The following HEXB variants were observed in gnomAD, a reference collection of about 807,000 sequenced individuals.
The protein encoded by HEXB is hexosaminidase subunit beta.
In HEXB, 51 loss-of-function variants were observed where a neutral mutation model predicts 71.2. The ratio of observed to expected loss-of-function variants is 0.72; its 90% CI spans 0.57 to 0.90. The LOEUF is 0.90. HEXB is among the 40% of genes least tolerant of loss of function. HEXB has a pLI of 0.00. For missense variants in HEXB, 617 were observed against 677.0 expected, an observed-to-expected ratio of 0.91 and a Z score of 0.98; for synonymous variants, 266 against 249.3, an observed-to-expected ratio of 1.07 and a Z score of -0.63.
At chr5:74,675,769 T>C (rs552957818) in intron 1 of HEXB, among the ~76,000 whole-genome samples, 3 of 152,358 alleles carry the variant, frequency 2.0e-5, no homozygotes, top group African/African-American at 7.2e-5. Context: ...AAGATGACTT[T>C]GTTAGCTGTG....
intron 6 of HEXB, among the ~76,000 whole-genome samples, chr5:74,707,604 G>A (rs1262591525): frequency 6.6e-6 from 1 of 152,226 alleles, no homozygotes; most frequent in African/African-American, 2.4e-5. Context: ...AGGAGCTGAT[G>A]GAGCTGAAAG....
At chr5:74,697,259 C>T (rs371546460) in intron 5 of HEXB, among the ~76,000 whole-genome samples, 153 bp downstream of exon 5, 1 of 152,136 alleles carries the variant, frequency 6.6e-6, no homozygotes, top group African/African-American at 2.4e-5. Context: ...AGTGTATTTC[C>T]TCAGCTGTGA....
Position 74,672,994 on chromosome 5 carries a change from G to A in HEXB, c.-376-16334G>A, listed in dbSNP as rs1748566612. Among the ~76,000 whole-genome samples the A allele has an allele frequency of 2.0e-5, 3 of 146,934 alleles. No individual in the cohort carries two copies. In the Admixed American group the frequency reaches 2.1e-4, roughly 10 times the overall value. ...TTGGTCACCAAAATGTTTCCAGATG[G>A]ATTCAGATTTTTTTTTCTTAGCATC... On this transcript the variant is annotated intron_variant, in intron 1 of 13. Transcript: ENST00000511181.
intron 6 of HEXB, among the ~76,000 whole-genome samples, chr5:74,710,136 C>T (rs151287306): frequency 0.029 from 4,472 of 152,182 alleles, 85 homozygotes; most frequent in South Asian, 0.066. Flanking sequence ...GTTCAATATA[C>T]GTAAATCAAT....
At chr5:74,719,036 A>G in intron 11 of HEXB, 65 bp downstream of exon 11, 1 of 1,497,090 alleles carries the variant, frequency 6.7e-7, no homozygotes, top group Non-Finnish European at 9.3e-7. Context: ...TGAAGCAACC[A>G]TTGTTACCTT....
At chr5:74,656,415 G>T (rs748512193) in intron 1 of HEXB, among the ~76,000 whole-genome samples, 18 of 151,866 alleles carry the variant, frequency 1.2e-4, no homozygotes, top group Admixed American at 2.0e-4. Flanking sequence ...GGAGGCACAG[G>T]TTGCAATGAG....
upstream of HEXB, among the ~76,000 whole-genome samples, chr5:74,682,859 A>G (rs1416397119): frequency 2.0e-5 from 3 of 152,094 alleles, no homozygotes; most frequent in African/African-American, 7.2e-5. Context: ...CATGGCTGAC[A>G]CTCTTATAAC....
At chr5:74,703,160 C>G (rs1329847076) in intron 5 of HEXB, among the ~76,000 whole-genome samples, 2 of 152,208 alleles carry the variant, frequency 1.3e-5, no homozygotes, top group Admixed American at 1.3e-4. Flanking sequence ...GCCATGTTGG[C>G]CAGGCTGGTC....
At chr5:74,706,857 C>G (rs1161210103) in intron 6 of HEXB, among the ~76,000 whole-genome samples, 11 of 152,318 alleles carry the variant, frequency 7.2e-5, no homozygotes, top group Non-Finnish European at 1.5e-5. Context: ...TAGGCTCCAC[C>G]TCTGGGGGCA....
intron 1 of HEXB, among the ~76,000 whole-genome samples, chr5:74,685,875 GA>G (rs1441910233): frequency 1.3e-5 from 2 of 152,252 alleles, no homozygotes; most frequent in East Asian, 3.9e-4. Flanking sequence ...GGAGGAAAGT[GA>G]CAGCTCCTTA....
intron 1 of HEXB, among the ~76,000 whole-genome samples, chr5:74,689,044 G>A (rs1748934985): frequency 7.0e-6 from 1 of 142,034 alleles, no homozygotes; most frequent in Admixed American, 7.0e-5. Context: ...TTCATTATTG[G>A]TTCTTAACGG....
intron 1 of HEXB, among the ~76,000 whole-genome samples, chr5:74,657,823 C>T (rs992127997): frequency 6.6e-6 from 1 of 152,156 alleles, no homozygotes; most frequent in Non-Finnish European, 1.5e-5. Flanking sequence ...TGTCATGTGG[C>T]GTCTTCTGAT....
chr5:74,686,309 C>A (rs1748874130), intron 1 of HEXB, among the ~76,000 whole-genome samples: 1 of 152,110 alleles, frequency 6.6e-6, no homozygotes, highest in African/African-American at 2.4e-5. Flanking sequence ...AAGGCAGGTT[C>A]CCCTGGGGAG....
At chr5:74,653,232 T>C (rs574835325) in intron 1 of HEXB, among the ~76,000 whole-genome samples, 1 of 152,326 alleles carries the variant, frequency 6.6e-6, no homozygotes, top group African/African-American at 2.4e-5. Context: ...ACGTCAATAA[T>C]TTTTTAAAGT....
intron 1 of HEXB, among the ~76,000 whole-genome samples, chr5:74,643,546 A>G (rs1403776561): frequency 2.6e-5 from 4 of 152,198 alleles, no homozygotes; most frequent in Non-Finnish European, 5.9e-5. Context: ...GTCTTGTGAC[A>G]TCAAACCAAA....
intron 1 of HEXB, among the ~76,000 whole-genome samples, chr5:74,675,081 G>T (rs993403595): frequency 6.6e-6 from 1 of 152,198 alleles, no homozygotes; most frequent in Admixed American, 6.6e-5. Context: ...ATGGGAGTCA[G>T]ATCAGGCTGA....
intron 1 of HEXB, among the ~76,000 whole-genome samples, chr5:74,656,860 C>T (rs557044332): frequency 2.0e-5 from 3 of 152,302 alleles, no homozygotes; most frequent in African/African-American, 7.2e-5. Context: ...GATCCACCCG[C>T]CTCAGCCTTC....
chr5:74,666,838 AAC>A (rs555726438), intron 1 of HEXB, among the ~76,000 whole-genome samples: 1 of 152,132 alleles, frequency 6.6e-6, no homozygotes, highest in East Asian at 1.9e-4. Context: ...AGAGAGAGAG[AAC>A]ACACACACAT....
At chr5:74,640,263 C>G (rs1398700623) in exon 1 of HEXB, 1 of 152,984 alleles carries the variant, frequency 6.5e-6, no homozygotes, top group Non-Finnish European at 1.5e-5. Context: ...GCCCCTGAAG[C>G]CCGCAGCGCC....
Sources: allele counts gnomAD v4.1 joint callset (sites outside exome capture counted in the v4.1 genomes callset), GRCh38; gene constraint gnomAD v4.1.1; transcripts MANE v1.5; gene names NCBI Gene and HGNC (gene_info 2026-07-23, HGNC 2026-07-21).